Variants in NR6A1 observed in about 807,000 individuals in gnomAD.
NR6A1 encodes the protein retinoic acid receptor-related testis-associated receptor.
A neutral mutation model predicts 59.1 loss-of-function variants in NR6A1; 7 were observed. The ratio of observed to expected loss-of-function variants is 0.12; its 90% CI spans 0.07 to 0.22. NR6A1 has a LOEUF of 0.22. Among genes scored for constraint, NR6A1 ranks in the 10% least tolerant of loss-of-function variants. The pLI, the probability that NR6A1 is intolerant of heterozygous loss-of-function variation, is 1.00. For synonymous variants in NR6A1, 243 were observed against 236.1 expected, an observed-to-expected ratio of 1.03 and a Z score of -0.27; for missense variants, 468 against 611.6, an observed-to-expected ratio of 0.77 and a Z score of 2.48.
chr9:124,747,377 A>T (rs1199430467), intron 1 of NR6A1, among the ~76,000 whole-genome samples: 1 of 151,776 alleles, frequency 6.6e-6, no homozygotes, highest in Non-Finnish European at 1.5e-5. Flanking sequence ...TTCTTTACTA[A>T]ATGTCCTCAC....
intron 2 of NR6A1, among the ~76,000 whole-genome samples, chr9:124,641,420 AG>A (rs1836765139): frequency 6.6e-6 from 1 of 151,960 alleles, no homozygotes; most frequent in Admixed American, 6.6e-5. Context: ...TGAAAAGAAG[AG>A]GCCAGGAATG....
chr9:124,581,510 T>C (rs2131460229), intron 2 of NR6A1, among the ~76,000 whole-genome samples: 1 of 152,198 alleles, frequency 6.6e-6, no homozygotes, highest in East Asian at 1.9e-4. Context: ...GAGAATCACT[T>C]GAACCCAGGA....
intron 2 of NR6A1, among the ~76,000 whole-genome samples, chr9:124,640,074 CAT>C (rs1430785032): frequency 6.6e-6 from 1 of 152,156 alleles, no homozygotes; most frequent in Non-Finnish European, 1.5e-5. Flanking sequence ...TGAGAAAAAA[CAT>C]ATGGAAGCGC....
rs537917932 is a variant in NR6A1 at position 124,727,151 on chromosome 9, C to T, written c.142+6157G>A. 4.6e-5 allele frequency among the ~76,000 whole-genome samples: 7 copies of T among 152,256 alleles called. No homozygotes were observed. The South Asian group carries it at 1.5e-3, about 32-fold the overall frequency. ...GTTGTCCATTCGTCTAAAATGAAAG[C>T]TCTTTTTTGCACTGCAAAACTACAA... On this transcript the variant is annotated intron_variant, in intron 2 of 9. Transcript: ENST00000487099.
At chr9:124,737,049 C>A (rs1437051693) in intron 1 of NR6A1, among the ~76,000 whole-genome samples, 1 of 152,076 alleles carries the variant, frequency 6.6e-6, no homozygotes, top group East Asian at 1.9e-4. Flanking sequence ...TGGGATGGAA[C>A]CCTAATATCA....
chr9:124,730,573 T>G (rs1839853131), intron 2 of NR6A1, among the ~76,000 whole-genome samples: 1 of 149,940 alleles, frequency 6.7e-6, no homozygotes, highest in Non-Finnish European at 1.5e-5. Flanking sequence ...TTTTTTTTTT[T>G]GGTGACTCCT....
chr9:124,608,579 T>C (rs1485511837), intron 2 of NR6A1, among the ~76,000 whole-genome samples: 1 of 152,244 alleles, frequency 6.6e-6, no homozygotes, highest in Non-Finnish European at 1.5e-5. Flanking sequence ...GTCTTTGTTA[T>C]TGTGAATAGT....
intron 2 of NR6A1, among the ~76,000 whole-genome samples, chr9:124,612,145 T>C (rs1835768328): frequency 6.6e-6 from 1 of 152,214 alleles, no homozygotes; most frequent in African/African-American, 2.4e-5. Context: ...TGCTTTTTGA[T>C]AAGGTTTCCA....
intron 1 of NR6A1, among the ~76,000 whole-genome samples, chr9:124,745,671 T>TAA (rs11334137): frequency 9.1e-5 from 11 of 121,416 alleles, no homozygotes; most frequent in African/African-American, 3.5e-4. Flanking sequence ...AACTCTGTCT[T>TAA]AAAAAAAAAA....
intron 2 of NR6A1, among the ~76,000 whole-genome samples, chr9:124,604,783 C>T (rs1044973441): frequency 3.3e-5 from 5 of 151,832 alleles, no homozygotes; most frequent in Middle Eastern, 6.8e-3. Context: ...CACTGCATTC[C>T]AGCCTGAGTG....
At chr9:124,653,237 A>T (rs185182203) in intron 2 of NR6A1, among the ~76,000 whole-genome samples, 2 of 151,566 alleles carry the variant, frequency 1.3e-5, no homozygotes, top group Non-Finnish European at 2.9e-5. Flanking sequence ...CTGCCCCTTC[A>T]GTAAGCTGTG....
At chr9:124,724,542 A>G (rs577316710) in intron 2 of NR6A1, among the ~76,000 whole-genome samples, 1 of 152,288 alleles carries the variant, frequency 6.6e-6, no homozygotes, top group Non-Finnish European at 1.5e-5. Context: ...ACCAAAAAAA[A>G]AAAAAAATTC....
intron 1 of NR6A1, among the ~76,000 whole-genome samples, chr9:124,741,934 T>TGGAGC (rs1840183368): frequency 6.6e-6 from 1 of 152,094 alleles, no homozygotes; most frequent in South Asian, 2.1e-4. Context: ...GCAGCAATCA[T>TGGAGC]GGAGCCAGGA....
intron 1 of NR6A1, 74 bp from the exon 2 acceptor site, chr9:124,733,423 A>T: frequency 1.7e-6 from 2 of 1,143,068 alleles, no homozygotes; most frequent in Non-Finnish European, 2.7e-6. Context: ...ATGAAGTATC[A>T]TACAGTTGGG....
chr9:124,535,145 T>C (rs980542559), intron 7 of NR6A1, among the ~76,000 whole-genome samples: 24 of 152,022 alleles, frequency 1.6e-4, no homozygotes, highest in African/African-American at 5.8e-4. Context: ...TCTAGCCTAA[T>C]GCCTGGCACA....
chr9:124,653,917 G>C (rs1208857706), intron 2 of NR6A1, among the ~76,000 whole-genome samples: 1 of 152,030 alleles, frequency 6.6e-6, no homozygotes, highest in South Asian at 2.1e-4. Flanking sequence ...TATGTGCCGA[G>C]GACATATGCT....
At chr9:124,660,283 T>C (rs1351936295) in intron 2 of NR6A1, among the ~76,000 whole-genome samples, 1 of 151,974 alleles carries the variant, frequency 6.6e-6, no homozygotes, top group East Asian at 1.9e-4. Flanking sequence ...ATTTTGGGGG[T>C]ATGGGATAGA....
rs539971971 is a variant in NR6A1, at chr9:124,672,004, C to T, written c.142+61304G>A. ...ATAAAGGTAACCACTATTCTGATCTCTATCATCTAGTTTTGTCTATTTTTG... is the reference window on the plus strand; with the variant it reads ...ATAAAGGTAACCACTATTCTGATCTTTATCATCTAGTTTTGTCTATTTTTG... On this transcript the variant is annotated intron_variant, in intron 2 of 9. Coordinates refer to ENST00000487099, the MANE Select transcript of NR6A1 (RefSeq NM_033334.4). Among the ~76,000 whole-genome samples the T allele has an allele frequency of 1.3e-5, 2 of 152,296 alleles. 1 individual carries two copies. The highest frequency in any genetic ancestry group is 4.2e-4 in the South Asian group (2 of 4,812).
intron 1 of NR6A1, among the ~76,000 whole-genome samples, chr9:124,765,835 T>C (rs1408905988): frequency 6.6e-6 from 1 of 152,192 alleles, no homozygotes; most frequent in East Asian, 1.9e-4. Flanking sequence ...CGAAATACCG[T>C]AGGAAATGTT....
Sources: gnomAD v4.1 joint callset for allele counts (sites outside exome capture counted in the v4.1 genomes callset) on GRCh38, gnomAD v4.1.1 for gene constraint, MANE v1.5 for transcripts, NCBI Gene and HGNC (gene_info 2026-07-23, HGNC 2026-07-21) for gene names.